The following CYFIP1 variants were observed in gnomAD, a reference collection of about 807,000 sequenced individuals.
The protein encoded by CYFIP1 is cytoplasmic FMR1-interacting protein 1.
CYFIP1 carries 58 observed loss-of-function variants against 163.5 expected under a neutral mutation model. That is an observed-to-expected ratio of 0.35 (90% confidence interval 0.29 to 0.44). The LOEUF (loss-of-function observed/expected upper bound fraction) is 0.44, where lower values mean the gene tolerates loss of function less well. Ranked by LOEUF, CYFIP1 falls within the 20% of genes least tolerant of loss-of-function variation. The pLI is 1.00. For missense variants in CYFIP1, 1,338 were observed against 1,653.8 expected (o/e 0.81, Z 3.31); for synonymous variants, 663 against 660.7 (o/e 1.00, Z -0.05).
chr15:22,940,735 T>C (rs2061869795), intron 6 of CYFIP1, among the ~76,000 whole-genome samples: 1 of 152,256 alleles, frequency 6.6e-6, no homozygotes, highest in Non-Finnish European at 1.5e-5. Flanking sequence ...GTAACATTCC[T>C]TGCCTTTTTA....
At chr15:22,978,053 G>A (rs994055468) in intron 1 of CYFIP1, among the ~76,000 whole-genome samples, 4 of 151,804 alleles carry the variant, frequency 2.6e-5, no homozygotes, top group Non-Finnish European at 4.4e-5. Flanking sequence ...CCACACTACA[G>A]AATACTATAG....
intron 5 of CYFIP1, among the ~76,000 whole-genome samples, chr15:22,943,755 A>G (rs1261397764): frequency 6.6e-6 from 1 of 152,174 alleles, no homozygotes; most frequent in Non-Finnish European, 1.5e-5. Flanking sequence ...AGTTAGTTCC[A>G]TCTCCTCCCT....
At chr15:22,893,007 G>T (rs778737029) in intron 22 of CYFIP1, 30 bp from the exon 23 acceptor site, 2 of 1,530,626 alleles carry the variant, frequency 1.3e-6, no homozygotes, top group Admixed American at 1.7e-5. Context: ...AAAAGAAAAA[G>T]AAACCAAATT....
intron 23 of CYFIP1, among the ~76,000 whole-genome samples, chr15:22,883,874 G>T (rs1342545836): frequency 6.6e-6 from 1 of 151,702 alleles, no homozygotes; most frequent in African/African-American, 2.4e-5. Flanking sequence ...ACATGGCTGG[G>T]GAGGCCTCAG....
chr15:22,944,238 CAAAAAAAAA>C (rs34662161), intron 5 of CYFIP1, among the ~76,000 whole-genome samples: 1 of 94,980 alleles, frequency 1.1e-5, no homozygotes, highest in Non-Finnish European at 2.0e-5. Context: ...GACTCTGTCT[CAAAAAAAAA>C]AAAAAAAAAA....
chr15:22,870,368 G>A (rs1272498739), intron 30 of CYFIP1, among the ~76,000 whole-genome samples, 176 bp from the exon 31 acceptor site: 1 of 151,994 alleles, frequency 6.6e-6, no homozygotes, highest in Non-Finnish European at 1.5e-5. Flanking sequence ...TGACGCCCAG[G>A]CTGGAGTGCA....
Position 22,937,206 on chromosome 15 carries a change from G to C in CYFIP1, c.798C>G (p.Val266=), listed in dbSNP as rs147443820. 3 of 1,596,846 alleles carry C rather than the reference G, an allele frequency of 1.9e-6. No homozygotes were observed. Among genetic ancestry groups the C allele is most frequent in the Non-Finnish European group, 2.6e-6 (3 of 1,164,618 alleles). ...TPSEKHMLLK[V]MGFGLYLMDG... The stretch of plus-strand genomic sequence containing the variant: ...CCATCAGGTACAGACCAAATCCCAT[G>C]ACCTGAAAAGCCACAAAATGAATGA... The change falls in exon 9 of 31, where the codon GTC becomes GTG. Residue 266 remains valine (V), a splice_region_variant and synonymous_variant. Coordinates refer to ENST00000617928, the MANE Select transcript of CYFIP1 (RefSeq NM_014608.6).
intron 1 of CYFIP1, among the ~76,000 whole-genome samples, chr15:22,960,887 C>T (rs547212327): frequency 5.9e-5 from 9 of 152,298 alleles, no homozygotes; most frequent in East Asian, 1.9e-4. Context: ...TGCCCTCCTA[C>T]GGGGGCCCAC....
chr15:22,968,882 A>G (rs928763314), intron 1 of CYFIP1, among the ~76,000 whole-genome samples: 1 of 152,140 alleles, frequency 6.6e-6, no homozygotes, highest in Non-Finnish European at 1.5e-5. Context: ...ACAGCTTGAG[A>G]AGTTGAGCTT....
chr15:22,895,849 T>C lies in CYFIP1; in HGVS notation c.2589-2872A>G, dbSNP rs192248144. ...CCAAGTGAGCGCCCCTGGCTGGCAG[T>C]ACCCTGAGGAGCGTCCCACCTCAGA... is the stretch of plus-strand genomic sequence containing the variant. On this transcript the variant is annotated intron_variant, in intron 22 of 30. Transcript: ENST00000617928. 4.5e-4 allele frequency among the ~76,000 whole-genome samples: 68 copies of C among 152,288 alleles called. No homozygotes were observed. The East Asian group carries it at 0.013, about 28-fold the overall frequency.
At chr15:22,910,255 G>A (rs900289724) in intron 20 of CYFIP1, among the ~76,000 whole-genome samples, 2 of 152,026 alleles carry the variant, frequency 1.3e-5, no homozygotes, top group Non-Finnish European at 2.9e-5. Context: ...CCACTTCCCA[G>A]GTTCAGGCGA....
chr15:22,934,476 C>T (rs1421404200), intron 9 of CYFIP1, among the ~76,000 whole-genome samples: 5 of 130,264 alleles, frequency 3.8e-5, no homozygotes, highest in Admixed American at 8.1e-5. Flanking sequence ...TGAACCACCG[C>T]ACCCAGCCCT....
intron 1 of CYFIP1, among the ~76,000 whole-genome samples, chr15:22,973,693 A>C (rs892722706): frequency 6.6e-6 from 1 of 152,192 alleles, no homozygotes; most frequent in Non-Finnish European, 1.5e-5. Context: ...AAGGCCACAA[A>C]AGAAAAAATA....
intron 22 of CYFIP1, among the ~76,000 whole-genome samples, chr15:22,898,320 C>T (rs2060295529): frequency 6.6e-6 from 1 of 152,142 alleles, no homozygotes; most frequent in South Asian, 2.1e-4. Flanking sequence ...TGCAGTGGCA[C>T]AATCTCAGCT....
chr15:22,958,092 A>AT (rs1023097096), intron 1 of CYFIP1, among the ~76,000 whole-genome samples: 1 of 149,020 alleles, frequency 6.7e-6, no homozygotes, highest in African/African-American at 2.5e-5. Flanking sequence ...TACTGAAGTA[A>AT]TTTGCTTTTT....
At chr15:22,870,312 CAT>C (rs1176006093) in intron 30 of CYFIP1, 120 bp from the exon 31 acceptor site, 23 of 1,246,172 alleles carry the variant, frequency 1.8e-5, no homozygotes, top group Admixed American at 2.7e-5. Flanking sequence ...AATTGACACA[CAT>C]ACTGTTCTTT....
rs1309870708 is a variant in CYFIP1, at chr15:22,870,091, G to A, written c.3699C>T (p.Gly1233=). ...AGCAGCGCACATGCTCCACTGGCGTGCCCTCCCCGTCGCCTGACTTCAGGT... is the reference window on the plus strand; with the variant it reads ...AGCAGCGCACATGCTCCACTGGCGTACCCTCCCCGTCGCCTGACTTCAGGT... ...DKYLKSGDGE[G]TPVEHVRCFQ... The change falls in exon 31 of 31, where the codon GGC becomes GGT. Residue 1233 remains glycine (G), a synonymous_variant. Transcript: ENST00000617928. The A allele has an allele frequency of 2.5e-6, 4 of 1,612,736 alleles. No homozygotes were observed. The highest frequency in any genetic ancestry group is 2.2e-5 in the East Asian group (1 of 44,826).
At chr15:22,921,022 T>A (rs1165399281) in intron 13 of CYFIP1, among the ~76,000 whole-genome samples, 1 of 152,020 alleles carries the variant, frequency 6.6e-6, no homozygotes, top group African/African-American at 2.4e-5. Flanking sequence ...TATCAAACAT[T>A]CATCACTAAT....
At chr15:22,883,083 A>G (rs1205428869) in intron 23 of CYFIP1, 72 bp from the exon 24 acceptor site, 16 of 1,547,658 alleles carry the variant, frequency 1.0e-5, no homozygotes, top group South Asian at 7.1e-5. Context: ...GTGTGAGAAG[A>G]TCACTCAACA....
Sources: allele counts gnomAD v4.1 joint callset (sites outside exome capture counted in the v4.1 genomes callset), GRCh38; gene constraint gnomAD v4.1.1; transcripts MANE v1.5; gene names NCBI Gene and HGNC (gene_info 2026-07-23, HGNC 2026-07-21).